AFM: variants seen among roughly 807,000 people sequenced by gnomAD.
AFM encodes the protein afamin, also known as alpha-Alb.
AFM carries 82 observed loss-of-function variants against 68.7 expected under a neutral mutation model. The ratio of observed to expected loss-of-function variants is 1.19; its 90% CI spans 1.00 to 1.43. AFM has a LOEUF of 1.43. Among genes scored for constraint, AFM ranks in the 40% most tolerant of loss-of-function variants. The pLI is 0.00. For missense variants in AFM, 772 were observed against 701.8 expected, an observed-to-expected ratio of 1.10 and a Z score of -1.13; for synonymous variants, 250 against 234.2, an observed-to-expected ratio of 1.07 and a Z score of -0.61.
At chr4:73,491,776 ATGC>A in intron 7 of AFM, 93 bp from the exon 8 acceptor site, 1 of 1,003,406 alleles carries the variant, frequency 1.0e-6, no homozygotes, top group Non-Finnish European at 1.5e-6. Flanking sequence ...GTGATTCCAG[ATGC>A]TGCGATCATG....
At position 73,487,080 on chromosome 4, in the gene AFM, T is replaced by G. The variant is rs779323965; in HGVS notation, c.596T>G (p.Val199Gly). 2 of 1,613,960 alleles carry G rather than the reference T, an allele frequency of 1.2e-6. No homozygotes were observed. Among genetic ancestry groups the G allele is most frequent in the Non-Finnish European group, 1.7e-6 (2 of 1,179,878 alleles). Residue 199 changes from valine (V) to glycine (G), a missense_variant, in exon 5 of 15, where the codon GTC becomes GGC. Transcript: ENST00000226355. ...AKSCCEEQNK[V>G]NCLQTRAIPV... The stretch of plus-strand genomic sequence containing the variant: ...TCATGTTGTGAAGAACAAAACAAAG[T>G]CAACTGCCTTCAAACAAGGGTGGGT...
At chr4:73,496,048 T>G (rs1005613257) in intron 9 of AFM, among the ~76,000 whole-genome samples, 3 of 152,202 alleles carry the variant, frequency 2.0e-5, no homozygotes, top group African/African-American at 7.2e-5. Context: ...GTTGTTGTTA[T>G]AAATTGTGCT....
intron 12 of AFM, among the ~76,000 whole-genome samples, chr4:73,500,683 G>A (rs945244334): frequency 7.9e-5 from 12 of 152,154 alleles, no homozygotes; most frequent in Non-Finnish European, 1.6e-4. Flanking sequence ...AATGTGTAGT[G>A]GAGACAACAT....
intron 8 of AFM, among the ~76,000 whole-genome samples, chr4:73,493,677 G>GTAAGGT (rs1721164924): frequency 6.6e-6 from 1 of 151,980 alleles, no homozygotes; most frequent in Non-Finnish European, 1.5e-5. Flanking sequence ...TAATTTACCC[G>GTAAGGT]AAGTCACACA....
chr4:73,492,152 T>C (rs1721090859), intron 8 of AFM, 66 bp downstream of exon 8: 3 of 1,457,876 alleles, frequency 2.1e-6, no homozygotes, highest in Non-Finnish European at 2.8e-6. Flanking sequence ...TGACTTTTGT[T>C]GCTAATTTAG....
At chr4:73,493,636 C>G (rs1409095954) in intron 8 of AFM, among the ~76,000 whole-genome samples, 1 of 152,116 alleles carries the variant, frequency 6.6e-6, no homozygotes, top group Non-Finnish European at 1.5e-5. Context: ...CTTTATTTTT[C>G]AGATAATAAA....
chr4:73,491,396 A>C lies in AFM; in HGVS notation c.844-476A>C, dbSNP rs1199611874. On this transcript the variant is annotated intron_variant, in intron 7 of 14. Coordinates refer to ENST00000226355, the MANE Select transcript of AFM (RefSeq NM_001133.2). ...TGAATCGTCATCTGGTAGTTGCTGT[A>C]GTTCACTCACTTGTCATTCTTTCAT... Among the ~76,000 whole-genome samples the C allele has an allele frequency of 2.0e-5, 3 of 152,210 alleles. No homozygotes were observed. The East Asian group carries it at 5.8e-4, about 29-fold the overall frequency.
intron 9 of AFM, among the ~76,000 whole-genome samples, chr4:73,496,045 T>G (rs888242473): frequency 6.6e-6 from 1 of 152,204 alleles, no homozygotes; most frequent in Non-Finnish European, 1.5e-5. Flanking sequence ...GTTGTTGTTG[T>G]TATAAATTGT....
chr4:73,485,939 G>A lies in AFM; in HGVS notation c.348G>A (p.Lys116=). 3 of 1,614,122 alleles carry A rather than the reference G, an allele frequency of 1.9e-6. No individual in the cohort carries two copies. The highest frequency in any genetic ancestry group is 1.1e-5 in the South Asian group (1 of 91,084). Reference sequence around the variant, plus strand: ...ATAATTTCTCACACTGCTGCAGTAAGGTTGATGCTCAAAGAAGACTCTGTT... The same window carrying A: ...ATAATTTCTCACACTGCTGCAGTAAAGTTGATGCTCAAAGAAGACTCTGTT... ...QKHNFSHCCS[K]VDAQRRLCFF... The change falls in exon 4 of 15, where the codon AAG becomes AAA. Residue 116 remains lysine (K), a synonymous_variant. Coordinates refer to ENST00000226355, the MANE Select transcript of AFM (RefSeq NM_001133.2).
Position 73,490,967 on chromosome 4 carries a change from C to T in AFM, c.844-905C>T, listed in dbSNP as rs948412127. On this transcript the variant is annotated intron_variant, in intron 7 of 14. Coordinates refer to ENST00000226355, the MANE Select transcript of AFM (RefSeq NM_001133.2). ...CTCAGTCCTGAGCTTCATCTTATTC[C>T]TTATCCTCCATGTTCACCAGAAGAT... Among the ~76,000 whole-genome samples the T allele has an allele frequency of 1.1e-4, 16 of 152,206 alleles. No individual in the cohort carries two copies. In the South Asian group the frequency reaches 3.3e-3, roughly 32 times the overall value.
intron 10 of AFM, among the ~76,000 whole-genome samples, chr4:73,498,150 TA>T (rs907717384): frequency 6.6e-6 from 1 of 152,210 alleles, no homozygotes; most frequent in African/African-American, 2.4e-5. Context: ...TTTATAGAAA[TA>T]ACTCAGGATG....
chr4:73,496,467 G>A (rs372789728), intron 9 of AFM, among the ~76,000 whole-genome samples: 1 of 151,876 alleles, frequency 6.6e-6, no homozygotes, highest in Non-Finnish European at 1.5e-5. Context: ...GAAAATTATT[G>A]GATCAAAATA....
chr4:73,490,172 A>G (rs1721031698), intron 7 of AFM, among the ~76,000 whole-genome samples: 1 of 151,156 alleles, frequency 6.6e-6, no homozygotes, highest in African/African-American at 2.4e-5. Context: ...TCAGCAACAG[A>G]ATGAAACCTT....
At chr4:73,481,984 C>A in intron 1 of AFM, 121 bp downstream of exon 1, 1 of 698,570 alleles carries the variant, frequency 1.4e-6, no homozygotes, top group Non-Finnish European at 2.5e-6. Context: ...CACTAATTTA[C>A]ATAGGCTAAC....
At chr4:73,494,865 G>T (rs1002206854) in intron 8 of AFM, among the ~76,000 whole-genome samples, 10 of 152,198 alleles carry the variant, frequency 6.6e-5, no homozygotes, top group Non-Finnish European at 1.2e-4. Context: ...AATGGGCAAA[G>T]CTTGCTCCCT....
At chr4:73,491,826 A>G (rs772286475) in intron 7 of AFM, 46 bp from the exon 8 acceptor site, 1 of 1,551,882 alleles carries the variant, frequency 6.4e-7, no homozygotes, top group East Asian at 2.3e-5. Flanking sequence ...AATGGAAGAA[A>G]ACCCAGCCTG....
rs1720784653 is a variant in AFM, at chr4:73,484,004, A to G, written c.137+15A>G. 4 of 1,501,372 alleles carry G rather than the reference A, an allele frequency of 2.7e-6. No individual in the cohort carries two copies. The highest frequency in any genetic ancestry group is 2.1e-5 in the Admixed American group (1 of 48,300). The allele number at this position is 1,501,372 out of a possible 1,614,324, so 93.0% of individuals were successfully genotyped here. On this transcript the variant is annotated intron_variant, in intron 2 of 14. Transcript: ENST00000226355. Reference sequence around the variant, plus strand: ...ATTGAATACATGTGAGTTGTGCTAAATACTTTTTGATGATGATTTTTAAAA... The same window carrying G: ...ATTGAATACATGTGAGTTGTGCTAAGTACTTTTTGATGATGATTTTTAAAA...
intron 6 of AFM, 97 bp from the exon 7 acceptor site, chr4:73,488,533 T>A (rs1013703077): frequency 2.5e-5 from 27 of 1,078,092 alleles, no homozygotes; most frequent in Non-Finnish European, 3.2e-5. Flanking sequence ...ATGGTGGCAA[T>A]ACTTTTTGTA....
At chr4:73,495,533 G>A (rs955326457) in intron 9 of AFM, 101 bp downstream of exon 9, 14 of 1,450,114 alleles carry the variant, frequency 9.7e-6, no homozygotes, top group East Asian at 2.4e-5. Flanking sequence ...GGTAGAAAAT[G>A]TGATTGGCTA....
Sources: gnomAD v4.1 joint callset for allele counts (sites outside exome capture counted in the v4.1 genomes callset) on GRCh38, gnomAD v4.1.1 for gene constraint, MANE v1.5 for transcripts, NCBI Gene and HGNC (gene_info 2026-07-23, HGNC 2026-07-21) for gene names.